ZNF335: variants seen among roughly 807,000 people sequenced by gnomAD.
The protein encoded by ZNF335 is NRC-interacting factor 1.
In ZNF335, 84 loss-of-function variants were observed where a neutral mutation model predicts 145.6. That is an observed-to-expected ratio of 0.58 (90% confidence interval 0.48 to 0.69). The LOEUF (loss-of-function observed/expected upper bound fraction) is 0.69, where lower values mean the gene tolerates loss of function less well. Ranked by LOEUF, ZNF335 falls within the 30% of genes least tolerant of loss-of-function variation. The pLI, the probability that ZNF335 is intolerant of heterozygous loss-of-function variation, is 0.00. For synonymous variants in ZNF335, 761 were observed against 717.0 expected (o/e 1.06, Z -0.98); for missense variants, 1,865 against 1,809.7 (o/e 1.03, Z -0.55).
intron 1 of ZNF335, chr20:45,971,843 C>A: frequency 2.0e-6 from 2 of 985,220 alleles, no homozygotes; most frequent in Non-Finnish European, 2.4e-6. Flanking sequence ...TGGTTCGCTC[C>A]CCCCCGGTTC....
rs754042272 is a variant in ZNF335 at position 45,949,799 on chromosome 20, C to T, written c.3669+1G>A. On this transcript the variant is annotated splice_donor_variant, in intron 24 of 27. Coordinates refer to ENST00000322927, the MANE Select transcript of ZNF335 (RefSeq NM_022095.4). LOFTEE classifies it high-confidence loss of function. ...GGGATTAACAGTAGCTAGTAGCTCA[C>T]CTGGTTGTCGGAGGTCACCAGGTGC... 4 of 1,614,088 alleles carry T rather than the reference C, an allele frequency of 2.5e-6. No homozygotes were observed. Among genetic ancestry groups the T allele is most frequent in the Non-Finnish European group, 2.5e-6 (3 of 1,180,002 alleles).
At chr20:45,949,454 A>G in intron 25 of ZNF335, 31 bp downstream of exon 25, 5 of 1,613,926 alleles carry the variant, frequency 3.1e-6, no homozygotes, top group Non-Finnish European at 3.4e-6. Context: ...GCCCTTCACC[A>G]CACAGCACCC....
At chr20:45,964,152 G>C in intron 7 of ZNF335, 162 bp from the exon 8 acceptor site, 1 of 842,116 alleles carries the variant, frequency 1.2e-6, no homozygotes, top group South Asian at 2.4e-5. Context: ...TTAGAGGGCA[G>C]CATGGATACT....
At position 45,969,198 on chromosome 20, in the gene ZNF335, G is replaced by C. The variant is rs114696834; in HGVS notation, c.442+253C>G. Among the ~76,000 whole-genome samples, 646 of 152,364 alleles carry C rather than the reference G, an allele frequency of 4.2e-3. 7 individuals are homozygous for C. Among genetic ancestry groups the C allele is most frequent in the African/African-American group, 0.015 (604 of 41,590 alleles). Reference sequence around the variant, plus strand: ...GCTACTGTATGTAAAGTTTAGAACAGTCCTGGGCACAAGGTAAGCAATAAC... The same window carrying C: ...GCTACTGTATGTAAAGTTTAGAACACTCCTGGGCACAAGGTAAGCAATAAC... On this transcript the variant is annotated intron_variant, in intron 3 of 27. Coordinates refer to ENST00000322927, the MANE Select transcript of ZNF335 (RefSeq NM_022095.4).
intron 18 of ZNF335, 67 bp downstream of exon 18, chr20:45,953,622 C>T: frequency 1.3e-6 from 2 of 1,585,116 alleles, no homozygotes; most frequent in Non-Finnish European, 1.7e-6. Flanking sequence ...TTGGGTGGGG[C>T]CCAAATCGGA....
Position 45,949,975 on chromosome 20 carries a change from C to A in ZNF335, c.3582G>T (p.Val1194=). 6.2e-7 allele frequency: 1 copy of A among 1,614,106 alleles called. No individual in the cohort carries two copies. The highest frequency in any genetic ancestry group is 1.1e-5 in the South Asian group (1 of 91,048). Residue 1194 remains valine (V), a synonymous_variant, in exon 23 of 28, where the codon GTG becomes GTT. Transcript: ENST00000322927. ...CAGTCCTGACTCTTACCTGATTGGT[C>A]ACTGTCTGTTCCTGGGCAACGATGA... is the stretch of plus-strand genomic sequence containing the variant. ...EHIIVAQEQT[V]TNQEEAAYIQ...
chr20:45,951,484 TG>T (rs1568805972), intron 20 of ZNF335, among the ~76,000 whole-genome samples: 5 of 152,242 alleles, frequency 3.3e-5, no homozygotes, highest in African/African-American at 1.2e-4. Flanking sequence ...ACTGGTTTTA[TG>T]GGAGATAACT....
chr20:45,960,967 C>A, intron 10 of ZNF335, 85 bp from the exon 11 acceptor site: 1 of 1,564,990 alleles, frequency 6.4e-7, no homozygotes, highest in Non-Finnish European at 8.7e-7. Flanking sequence ...CCAGCCTCAG[C>A]TATGAGCCTA....
chr20:45,949,721 G>C, intron 24 of ZNF335, 79 bp downstream of exon 24: 3 of 1,555,254 alleles, frequency 1.9e-6, no homozygotes, highest in Non-Finnish European at 2.7e-6. Context: ...GGTTTGGAAA[G>C]TATCATTCCT....
intron 17 of ZNF335, among the ~76,000 whole-genome samples, chr20:45,955,116 C>G (rs555427730): frequency 6.6e-6 from 1 of 151,448 alleles, no homozygotes; most frequent in African/African-American, 2.4e-5. Context: ...TCTGGAAGGC[C>G]GAGGCGGGCA....
chr20:45,969,631 A>T lies in ZNF335; in HGVS notation c.262T>A (p.Ser88Thr), dbSNP rs778476944. The change falls in exon 3 of 28, where the codon TCA becomes ACA. Residue 88 changes from serine to threonine, a missense_variant. Coordinates refer to ENST00000322927, the MANE Select transcript of ZNF335 (RefSeq NM_022095.4). ...DPLPNSYLPD[S>T]SSVSHGPVAG... Reference sequence around the variant, plus strand: ...ACTGGCCCATGAGACACAGACGATGAATCAGGGAGGTAGCTATTAGGCAGG... The same window carrying T: ...ACTGGCCCATGAGACACAGACGATGTATCAGGGAGGTAGCTATTAGGCAGG... The T allele has an allele frequency of 1.9e-6, 3 of 1,611,228 alleles. No homozygotes were observed. The highest frequency in any genetic ancestry group is 2.5e-6 in the Non-Finnish European group (3 of 1,178,182).
intron 16 of ZNF335, 71 bp downstream of exon 16, chr20:45,957,764 C>A (rs2083755929): frequency 6.2e-7 from 1 of 1,604,850 alleles, no homozygotes; most frequent in Non-Finnish European, 8.5e-7. Flanking sequence ...CAGCCCCCAC[C>A]AGCACGACCT....
At chr20:45,968,214 C>CTGT in intron 4 of ZNF335, 71 bp downstream of exon 4, 1 of 1,548,466 alleles carries the variant, frequency 6.5e-7, no homozygotes, top group Non-Finnish European at 8.9e-7. Flanking sequence ...ACGGAATCCG[C>CTGT]GGCAGAACCT....
chr20:45,960,989 G>A, intron 10 of ZNF335, 107 bp from the exon 11 acceptor site: 1 of 1,468,852 alleles, frequency 6.8e-7, no homozygotes, highest in Non-Finnish European at 9.3e-7. Flanking sequence ...TCCCTGCCAA[G>A]GCCCCTTTCT....
chr20:45,971,697 T>C, intron 1 of ZNF335: 1 of 985,474 alleles, frequency 1.0e-6, no homozygotes, highest in Non-Finnish European at 1.2e-6. Context: ...ATCTTGACCC[T>C]TTCCCTCGCC....
intron 14 of ZNF335, 23 bp downstream of exon 14, chr20:45,960,185 G>A: frequency 6.2e-7 from 1 of 1,613,130 alleles, no homozygotes; most frequent in Non-Finnish European, 8.5e-7. Context: ...TGGTGAGTGG[G>A]GCTGGGGTGT....
chr20:45,957,668 G>A lies in ZNF335; in HGVS notation c.2360C>T (p.Ser787Leu), dbSNP rs368248067. ...GGCTGTCTGCGTGGCCATCGCTGTCGACTCCTCAGCTCCTGGGTGGGGTGG... is the reference window on the plus strand; with the variant it reads ...GGCTGTCTGCGTGGCCATCGCTGTCAACTCCTCAGCTCCTGGGTGGGGTGG... ...TIIYQQGAEE[S>L]TAMATQTALD... The change falls in exon 17 of 28, where the codon TCG becomes TTG. Residue 787 changes from serine (S) to leucine (L), a missense_variant. Ser to Leu is a moderately radical substitution (Grantham distance 145). Coordinates refer to ENST00000322927, the MANE Select transcript of ZNF335 (RefSeq NM_022095.4). The A allele has an allele frequency of 1.7e-5, 28 of 1,614,098 alleles. No homozygotes were observed. In the African/African-American group the frequency reaches 1.9e-4, roughly 11 times the overall value.
At chr20:45,965,552 A>G in intron 7 of ZNF335, 76 bp downstream of exon 7, 1 of 1,516,150 alleles carries the variant, frequency 6.6e-7, no homozygotes, top group Non-Finnish European at 8.8e-7. Flanking sequence ...CAGTCCCCAG[A>G]ACTCCACAGA....
rs1568804261 is a variant in ZNF335, at chr20:45,950,276, TCTGGGTAGGGGC to T, written c.3418_3429del (p.Ala1140_Gln1143del). Reference sequence around the variant, plus strand: ...TTCAGGATGATGGTCTGGGTTGGGGTCTGGGTAGGGGCCCGGGCTGTAGGGGTTCCTGACTTC... The same window carrying T: ...TTCAGGATGATGGTCTGGGTTGGGGTCCGGGCTGTAGGGGTTCCTGACTTC... On this transcript the variant is annotated inframe_deletion, in exon 22 of 28. Coordinates refer to ENST00000322927, the MANE Select transcript of ZNF335 (RefSeq NM_022095.4). 6 of 1,554,760 alleles carry T rather than the reference TCTGGGTAGGGGC, an allele frequency of 3.9e-6. No individual in the cohort carries two copies. The South Asian group carries it at 6.2e-5, about 16-fold the overall frequency.
Sources: gnomAD v4.1 joint callset for allele counts (sites outside exome capture counted in the v4.1 genomes callset) on GRCh38, gnomAD v4.1.1 for gene constraint, MANE v1.5 for transcripts, NCBI Gene and HGNC (gene_info 2026-07-23, HGNC 2026-07-21) for gene names.